SPAG16: variants seen among roughly 807,000 people sequenced by gnomAD.
SPAG16 encodes sperm-associated antigen 16 protein.
A neutral mutation model predicts 80.4 loss-of-function variants in SPAG16; 86 were observed. The observed-to-expected ratio is 1.07, with a 90% CI of 0.90 to 1.28. SPAG16 has a LOEUF of 1.28. Ranked by LOEUF, SPAG16 falls within the 50% of genes most tolerant of loss-of-function variation. The probability of loss-of-function intolerance (pLI) is 0.00; values close to 1 mark genes in which losing one functional copy is unlikely to be tolerated. For synonymous variants in SPAG16, 294 were observed against 265.9 expected (o/e 1.11, Z -1.03); for missense variants, 870 against 765.3 (o/e 1.14, Z -1.61).
At chr2:214,008,309 T>C (rs553567569) in intron 12 of SPAG16, among the ~76,000 whole-genome samples, 2 of 151,984 alleles carry the variant, frequency 1.3e-5, no homozygotes, top group African/African-American at 2.4e-5. Flanking sequence ...ATAATAATAA[T>C]AAATCATTTG....
intron 13 of SPAG16, among the ~76,000 whole-genome samples, chr2:214,054,209 C>T (rs530649836): frequency 5.3e-5 from 8 of 152,230 alleles, no homozygotes; most frequent in African/African-American, 1.9e-4. Context: ...GGGGTTTTGC[C>T]GTATTGGCCA....
At chr2:213,804,577 G>C (rs2071629232) in intron 10 of SPAG16, among the ~76,000 whole-genome samples, 1 of 152,162 alleles carries the variant, frequency 6.6e-6, no homozygotes, top group Admixed American at 6.5e-5. Context: ...CAGCTACCCG[G>C]GAGGCTGAGG....
intron 9 of SPAG16, among the ~76,000 whole-genome samples, chr2:213,437,397 CGGCTTCAAAGCATTTAGT>C (rs1456559079): frequency 6.6e-6 from 1 of 152,096 alleles, no homozygotes; most frequent in Non-Finnish European, 1.5e-5. Flanking sequence ...AATAATGAAA[CGGCTTCAAAGCATTTAGT>C]CAGGTGCTTA....
intron 10 of SPAG16, among the ~76,000 whole-genome samples, chr2:213,820,798 G>A (rs1056134164): frequency 6.6e-6 from 1 of 151,712 alleles, no homozygotes; most frequent in African/African-American, 2.4e-5. Context: ...TCTTTTTAAT[G>A]TAATTACTAA....
chr2:213,758,623 A>C (rs1425410388), intron 10 of SPAG16, among the ~76,000 whole-genome samples: 1 of 152,170 alleles, frequency 6.6e-6, no homozygotes, highest in Non-Finnish European at 1.5e-5. Flanking sequence ...AAACTTGAAG[A>C]TAGGACAATG....
In SPAG16 at chr2:213,703,643, G is replaced by A. The variant is rs1158872482; in HGVS notation, c.1071-158842G>A. On this transcript the variant is annotated intron_variant, in intron 10 of 15. Transcript: ENST00000331683. ...CTCCCCTTTCAAGAAAAGACTCATT[G>A]TCCATCTGTGAGGGCCATCTGTGAA... 2.0e-5 allele frequency among the ~76,000 whole-genome samples: 3 copies of A among 152,140 alleles called. No homozygotes were observed. In the East Asian group the frequency reaches 5.8e-4, roughly 29 times the overall value.
chr2:214,135,829 G>A (rs11690890), intron 14 of SPAG16, among the ~76,000 whole-genome samples: 26,487 of 151,934 alleles, frequency 0.17, 3,123 homozygotes, highest in Middle Eastern at 0.27. Flanking sequence ...GAAGCAGCCT[G>A]AAGCCCTCAC....
chr2:213,743,276 T>G (rs2067667942), intron 10 of SPAG16, among the ~76,000 whole-genome samples: 1 of 152,232 alleles, frequency 6.6e-6, no homozygotes, highest in South Asian at 2.1e-4. Context: ...ATGTTCTGAA[T>G]ACACTGACAT....
intron 13 of SPAG16, among the ~76,000 whole-genome samples, chr2:214,030,142 C>T (rs191022922): frequency 1.3e-4 from 20 of 152,218 alleles, no homozygotes; most frequent in Admixed American, 3.3e-4. Context: ...TTCCCCCTTC[C>T]GCAGGTCCTA....
chr2:213,948,590 A>G (rs79714046), intron 12 of SPAG16, among the ~76,000 whole-genome samples: 5,113 of 152,192 alleles, frequency 0.034, 132 homozygotes, highest in Non-Finnish European at 0.05. Flanking sequence ...AGCTTTTATG[A>G]ATAATTTGTT....
chr2:213,368,283 A>T (rs4422113), intron 8 of SPAG16, among the ~76,000 whole-genome samples: 148,346 of 152,266 alleles, frequency 0.97, 72,374 homozygotes, highest in East Asian at 1. Flanking sequence ...TCTTTTTTGG[A>T]TCCATATGAA....
intron 12 of SPAG16, among the ~76,000 whole-genome samples, chr2:214,005,191 A>G (rs981355851): frequency 6.6e-6 from 1 of 151,992 alleles, no homozygotes; most frequent in Non-Finnish European, 1.5e-5. Context: ...AGTTTGTGCT[A>G]CTCTGGCCTT....
At chr2:214,035,069 C>T (rs562620228) in intron 13 of SPAG16, among the ~76,000 whole-genome samples, 2 of 152,118 alleles carry the variant, frequency 1.3e-5, no homozygotes, top group Non-Finnish European at 2.9e-5. Flanking sequence ...GATAGCTACT[C>T]TCCACAGCTA....
intron 10 of SPAG16, among the ~76,000 whole-genome samples, chr2:213,607,762 A>T (rs181867677): frequency 2.0e-3 from 300 of 152,304 alleles, no homozygotes; most frequent in African/African-American, 7.0e-3. Flanking sequence ...GATTCTATCT[A>T]GGAGGGTTTC....
chr2:213,369,343 C>G (rs569141756), intron 8 of SPAG16, among the ~76,000 whole-genome samples: 5 of 152,126 alleles, frequency 3.3e-5, no homozygotes, highest in Non-Finnish European at 7.4e-5. Flanking sequence ...TTCTAATTTC[C>G]TCAGAAGAAA....
chr2:213,593,746 CTTTTTTTTTTTTTTTTTTTTTTTTTTTTT>C (rs541949006), intron 10 of SPAG16, among the ~76,000 whole-genome samples: 7,037 of 50,176 alleles, frequency 0.14, 762 homozygotes, highest in African/African-American at 0.32. Flanking sequence ...CCCACCACAT[CTTTTTTTTTTTTTTTTTTTTTTTTTTTTT>C]TTTTTTTTTT....
chr2:213,851,030 T>G (rs2074877704), intron 10 of SPAG16, among the ~76,000 whole-genome samples: 4 of 152,154 alleles, frequency 2.6e-5, no homozygotes, highest in Non-Finnish European at 5.9e-5. Context: ...TTATCCAACC[T>G]GAAGACTTTT....
At chr2:213,926,290 T>C (rs7579088) in intron 11 of SPAG16, among the ~76,000 whole-genome samples, 88,833 of 151,866 alleles carry the variant, frequency 0.58, 27,799 homozygotes, top group South Asian at 0.84. Context: ...TTTGGTTACA[T>C]GAGTAAGTTC....
intron 10 of SPAG16, among the ~76,000 whole-genome samples, chr2:213,839,701 G>A (rs1241313679): frequency 6.6e-6 from 1 of 152,098 alleles, no homozygotes; most frequent in Non-Finnish European, 1.5e-5. Flanking sequence ...TTGTACAGCA[G>A]TAAAGTTGAC....
Sources: allele counts gnomAD v4.1 joint callset (sites outside exome capture counted in the v4.1 genomes callset), GRCh38; gene constraint gnomAD v4.1.1; transcripts MANE v1.5; gene names NCBI Gene and HGNC (gene_info 2026-07-23, HGNC 2026-07-21).